The following PARD3B variants were observed in gnomAD, a reference collection of about 807,000 sequenced individuals.
The protein encoded by PARD3B is par-3 family cell polarity regulator beta.
In PARD3B, 103 loss-of-function variants were observed where a neutral mutation model predicts 130.2. The observed-to-expected ratio is 0.79, with a 90% CI of 0.67 to 0.93. The LOEUF (loss-of-function observed/expected upper bound fraction) is 0.93. PARD3B is among the 40% of genes least tolerant of loss of function. PARD3B has a pLI of 0.00. For missense variants in PARD3B, 1,609 were observed against 1,499.2 expected (o/e 1.07, Z -1.21); for synonymous variants, 583 against 553.2 (o/e 1.05, Z -0.76).
At chr2:205,104,380 T>A (rs1703044887) in intron 4 of PARD3B, 46 bp from the exon 5 acceptor site, 5 of 1,357,482 alleles carry the variant, frequency 3.7e-6, no homozygotes, top group Admixed American at 1.7e-5. Context: ...AGATTTTCAA[T>A]TCAATATGCA....
intron 2 of PARD3B, among the ~76,000 whole-genome samples, chr2:204,905,231 G>T (rs915224221): frequency 6.6e-6 from 1 of 152,120 alleles, no homozygotes; most frequent in East Asian, 1.9e-4. Context: ...TCAGAAAGAG[G>T]CATCTTGGAG....
At position 204,943,383 on chromosome 2, in the gene PARD3B, A is replaced by G. The variant is rs150298442; in HGVS notation, c.223-21769A>G. Among the ~76,000 whole-genome samples the G allele has an allele frequency of 1.3e-5, 2 of 152,154 alleles. No homozygotes were observed. The highest frequency in any genetic ancestry group is 4.8e-5 in the African/African-American group (2 of 41,510). The stretch of plus-strand genomic sequence containing the variant: ...TGGCTGCTGGAAAAGAGAAGCCAAG[A>G]TCCCAGCAATGAGCCCTTTCCTCTG... On this transcript the variant is annotated intron_variant, in intron 2 of 22. Transcript: ENST00000406610. The surrounding 1 kb of genome is among the most constrained non-coding windows in gnomAD (Gnocchi z 4.2).
chr2:205,584,568 C>T lies in PARD3B; in HGVS notation c.3261-30888C>T, dbSNP rs2054123910. 6.6e-6 allele frequency among the ~76,000 whole-genome samples: 1 copy of T among 151,986 alleles called. No homozygotes were observed. Among genetic ancestry groups the T allele is most frequent in the African/African-American group, 2.4e-5 (1 of 41,376 alleles). ...TGGCGGGTGCCTGTAATCCCAGCTA[C>T]TCGGGAGGCTGAGGCAGGAGAATCG... On this transcript the variant is annotated intron_variant, in intron 22 of 22. Transcript: ENST00000406610. This position sits in a 1 kb window ranked among gnomAD's most constrained non-coding sequence, Gnocchi z 5.5.
rs34045998 is a variant in PARD3B at position 205,146,306 on chromosome 2, G to A, written c.1435-12416G>A. Among the ~76,000 whole-genome samples the A allele has an allele frequency of 0.11, 16,141 of 152,168 alleles. 1,180 individuals carry two copies. The highest frequency in any genetic ancestry group is 0.23 in the Middle Eastern group (68 of 294). On this transcript the variant is annotated intron_variant, in intron 10 of 22. Transcript: ENST00000406610. This position sits in a 1 kb window ranked among gnomAD's most constrained non-coding sequence, Gnocchi z 4.3. ...TTCCTAAGGGCCCAGCTTCCCAAAT[G>A]GGCTACTTCTCAGGATCAGGCCCAT...
chr2:205,509,301 C>G (rs557969506), intron 21 of PARD3B, among the ~76,000 whole-genome samples: 2 of 152,194 alleles, frequency 1.3e-5, no homozygotes, highest in African/African-American at 2.4e-5. Flanking sequence ...TAACCTTGTG[C>G]TAATCCCAGA....
intron 1 of PARD3B, among the ~76,000 whole-genome samples, chr2:204,597,157 A>G (rs1231878397): frequency 6.6e-6 from 1 of 151,936 alleles, no homozygotes; most frequent in Non-Finnish European, 1.5e-5. Flanking sequence ...GGTGCCCATG[A>G]TCTTTGATGA....
chr2:205,593,052 G>T lies in PARD3B; in HGVS notation c.3261-22404G>T, dbSNP rs533510720. On this transcript the variant is annotated intron_variant, in intron 22 of 22. Transcript: ENST00000406610. ...ATTGTTGTCACCATCACCAACCAAG[G>T]AGTAAGATGGCCCTCTGGGTCAGAG... 4.4e-4 allele frequency among the ~76,000 whole-genome samples: 67 copies of T among 152,332 alleles called. No individual in the cohort carries two copies. In the Middle Eastern group the frequency reaches 0.014, roughly 31 times the overall value.
intron 21 of PARD3B, among the ~76,000 whole-genome samples, chr2:205,518,835 G>A (rs988741904): frequency 6.6e-6 from 1 of 152,050 alleles, no homozygotes; most frequent in Middle Eastern, 3.2e-3. Context: ...CCTTTGCTTA[G>A]GAACCTTAGT....
chr2:205,473,654 A>ATGTGTGTGTGTG lies in PARD3B; in HGVS notation c.3045-26226_3045-26215dup, dbSNP rs751534704. ...TGTTTCCCAATATAAGGTTATATAT[A>ATGTGTGTGTGTG]TGTGTGTGTGTGTGTGTGTGTGTGT... On this transcript the variant is annotated intron_variant, in intron 20 of 22. Coordinates refer to ENST00000406610, the MANE Select transcript of PARD3B (RefSeq NM_001302769.2). This position sits in a 1 kb window ranked among gnomAD's most constrained non-coding sequence, Gnocchi z 4.9. Among the ~76,000 whole-genome samples, 1 of 123,684 alleles carries ATGTGTGTGTGTG rather than the reference A, an allele frequency of 8.1e-6. No homozygotes were observed. Among genetic ancestry groups the ATGTGTGTGTGTG allele is most frequent in the Non-Finnish European group, 1.6e-5 (1 of 61,738 alleles). The allele number at this position is 123,684 out of a possible 152,430, so 81.1% of individuals were successfully genotyped here. A position where few individuals can be genotyped will look rare whatever the true frequency, so the allele number is the denominator to read the frequency against.
chr2:205,439,422 T>A (rs1169906289), intron 19 of PARD3B, among the ~76,000 whole-genome samples: 1 of 152,182 alleles, frequency 6.6e-6, no homozygotes, highest in Non-Finnish European at 1.5e-5. Context: ...GCTGAAGACC[T>A]CCTCACACCA....
chr2:205,075,077 A>C (rs1262271774), intron 4 of PARD3B, among the ~76,000 whole-genome samples: 2 of 152,192 alleles, frequency 1.3e-5, no homozygotes, highest in African/African-American at 2.4e-5. Flanking sequence ...TTTCATTATT[A>C]CTGGAATAAA....
At position 205,253,170 on chromosome 2, in the gene PARD3B, A is replaced by G. The variant is rs2039930549; in HGVS notation, c.2185+7348A>G. The stretch of plus-strand genomic sequence containing the variant: ...CAGTGTTTGGGTTTAGCTCCAACTT[A>G]CAGGTTAGGACCAGCTTTTCTGCAG... On this transcript the variant is annotated intron_variant, in intron 16 of 22. Coordinates refer to ENST00000406610, the MANE Select transcript of PARD3B (RefSeq NM_001302769.2). The surrounding 1 kb of genome is among the most constrained non-coding windows in gnomAD (Gnocchi z 4.4). 2 of 365,226 alleles carry G rather than the reference A, an allele frequency of 5.5e-6. No homozygotes were observed. Among genetic ancestry groups the G allele is most frequent in the South Asian group, 2.1e-5 (1 of 47,602 alleles). 22.6% of individuals were successfully genotyped at this position (365,226 alleles called of 1,614,324 possible).
intron 7 of PARD3B, 59 bp downstream of exon 7, chr2:205,119,105 T>C: frequency 1.3e-6 from 2 of 1,518,138 alleles, no homozygotes; most frequent in East Asian, 2.4e-5. Flanking sequence ...TTATAAGCAT[T>C]ACTGAACTCA....
chr2:205,057,601 ATATGTG>A (rs140277636), intron 4 of PARD3B, among the ~76,000 whole-genome samples: 1,196 of 73,132 alleles, frequency 0.016, 225 homozygotes, highest in Middle Eastern at 0.053. Flanking sequence ...ATATATACAT[ATATGTG>A]TATGTGTATG....
chr2:205,047,625 C>G lies in PARD3B; in HGVS notation c.439C>G (p.Pro147Ala), dbSNP rs1225346811. ...VRRSSDPVPGPPADTQPSASH... is the reference protein window; with the variant it reads ...VRRSSDPVPGAPADTQPSASH... ...GAGAAGCAGTGACCCAGTGCCAGGC[C>G]CACCTGCTGATACCCAGCCAAGCGC... The change falls in exon 4 of 23, where the codon CCA becomes GCA. Residue 147 changes from proline (P) to alanine (A), a missense_variant. By Grantham distance (27) the Pro-to-Ala change is conservative. Transcript: ENST00000406610. 20 of 1,550,668 alleles carry G rather than the reference C, an allele frequency of 1.3e-5. No individual in the cohort carries two copies. Among genetic ancestry groups the G allele is most frequent in the Non-Finnish European group, 1.7e-5 (19 of 1,146,956 alleles).
At chr2:205,471,758 A>G (rs901296228) in intron 20 of PARD3B, among the ~76,000 whole-genome samples, 4 of 152,236 alleles carry the variant, frequency 2.6e-5, no homozygotes, top group African/African-American at 9.6e-5. Context: ...CTTTCAAAGT[A>G]ACCTATTGTC....
chr2:205,036,367 A>T (rs1160837201), intron 3 of PARD3B, among the ~76,000 whole-genome samples: 1 of 134,548 alleles, frequency 7.4e-6, no homozygotes, highest in African/African-American at 2.7e-5. Context: ...CTATATATAT[A>T]AAATATATAT....
chr2:204,819,417 T>C (rs1192056326), intron 2 of PARD3B, among the ~76,000 whole-genome samples: 2 of 152,200 alleles, frequency 1.3e-5, no homozygotes, highest in African/African-American at 4.8e-5. Context: ...GCAAACTTAA[T>C]AAGTGCATGT....
intron 2 of PARD3B, among the ~76,000 whole-genome samples, chr2:204,757,524 T>C (rs930146900): frequency 5.3e-5 from 8 of 152,150 alleles, no homozygotes; most frequent in African/African-American, 1.9e-4. Context: ...AGCATTTTTT[T>C]TCATATGTTT....
Sources: gnomAD v4.1 joint callset for allele counts (sites outside exome capture counted in the v4.1 genomes callset) on GRCh38, gnomAD v4.1.1 for gene constraint, Gnocchi (gnomAD v3.1) non-coding constraint, MANE v1.5 for transcripts, NCBI Gene and HGNC (gene_info 2026-07-23, HGNC 2026-07-21) for gene names.